Variants in LRFN5 observed in about 807,000 individuals in gnomAD.
The protein encoded by LRFN5 is leucine rich repeat and fibronectin type III domain containing 5, also known as leucine-rich repeat and fibronectin type-III domain-containing protein 5.
Under a neutral mutation model 45.6 loss-of-function variants are expected in LRFN5, and 24 were observed. That is an observed-to-expected ratio of 0.53 (90% CI 0.38 to 0.74). The LOEUF is 0.74. Among genes scored for constraint, LRFN5 ranks in the 30% least tolerant of loss-of-function variants. The probability of loss-of-function intolerance (pLI) is 0.00; values close to 1 mark genes in which losing one functional copy is unlikely to be tolerated. For missense variants in LRFN5, 776 were observed against 861.5 expected (o/e 0.90, Z 1.24); for synonymous variants, 340 against 313.8 (o/e 1.08, Z -0.88).
At chr14:41,633,224 TAAG>T (rs1888611718) in intron 1 of LRFN5, among the ~76,000 whole-genome samples, 2 of 151,970 alleles carry the variant, frequency 1.3e-5, no homozygotes, top group Admixed American at 6.6e-5. Flanking sequence ...TTTCAGCAGA[TAAG>T]AAAAAATATA....
intron 4 of LRFN5, chr14:41,892,211 A>T (rs2139164404): frequency 1.0e-6 from 1 of 985,204 alleles, no homozygotes; most frequent in Non-Finnish European, 1.2e-6. Context: ...CTTTTTCATG[A>T]AAAATCATTT....
At chr14:41,847,087 A>G (rs532881694) in intron 2 of LRFN5, among the ~76,000 whole-genome samples, 1 of 152,258 alleles carries the variant, frequency 6.6e-6, no homozygotes, top group African/African-American at 2.4e-5. Flanking sequence ...AAACATTTTC[A>G]TGAAAGTGTT....
intron 1 of LRFN5, among the ~76,000 whole-genome samples, chr14:41,655,427 A>C (rs1357268871): frequency 6.6e-6 from 1 of 152,032 alleles, no homozygotes; most frequent in Non-Finnish European, 1.5e-5. Context: ...CATGTCTAGA[A>C]TGATTTAGGA....
At chr14:41,861,177 A>C (rs1033768853) in intron 2 of LRFN5, among the ~76,000 whole-genome samples, 1 of 152,194 alleles carries the variant, frequency 6.6e-6, no homozygotes, top group Non-Finnish European at 1.5e-5. Context: ...ATATTTTGAG[A>C]CTGTAAAAAC....
At chr14:41,685,704 C>T (rs747517595) in intron 1 of LRFN5, among the ~76,000 whole-genome samples, 1 of 152,246 alleles carries the variant, frequency 6.6e-6, no homozygotes, top group Admixed American at 6.5e-5. Flanking sequence ...TTTTCCAGCA[C>T]CATTTACTGA....
intron 2 of LRFN5, among the ~76,000 whole-genome samples, chr14:41,880,245 A>G (rs1240407149): frequency 1.3e-5 from 2 of 151,950 alleles, no homozygotes; most frequent in Middle Eastern, 3.4e-3. Context: ...TTTCTAAAAA[A>G]CAGCTTTTGA....
At chr14:41,716,125 C>T (rs1188116845) in intron 1 of LRFN5, among the ~76,000 whole-genome samples, 1 of 152,166 alleles carries the variant, frequency 6.6e-6, no homozygotes, top group African/African-American at 2.4e-5. Context: ...AGTCTCTAGG[C>T]TGCACACAGC....
chr14:41,760,435 T>C (rs947070453), intron 1 of LRFN5, among the ~76,000 whole-genome samples: 8 of 152,306 alleles, frequency 5.3e-5, no homozygotes, highest in Middle Eastern at 3.4e-3. Context: ...GTATTACTTG[T>C]ATTATGAATA....
intron 2 of LRFN5, among the ~76,000 whole-genome samples, chr14:41,817,257 C>T (rs1887953606): frequency 1.3e-5 from 2 of 151,970 alleles, no homozygotes; most frequent in Admixed American, 6.6e-5. Flanking sequence ...TTCCAACATA[C>T]CTGACAATTG....
intron 2 of LRFN5, among the ~76,000 whole-genome samples, chr14:41,882,335 G>A (rs1355875653): frequency 6.6e-6 from 1 of 151,918 alleles, no homozygotes; most frequent in Non-Finnish European, 1.5e-5. Flanking sequence ...GTCACCCTAC[G>A]CATTTTGTGG....
chr14:41,631,905 T>C (rs1888547172), intron 1 of LRFN5, among the ~76,000 whole-genome samples: 1 of 152,194 alleles, frequency 6.6e-6, no homozygotes, highest in Non-Finnish European at 1.5e-5. Context: ...GTTTTCATTA[T>C]GAAAGAGATG....
chr14:41,892,376 A>G (rs1330135052), intron 4 of LRFN5: 4 of 984,842 alleles, frequency 4.1e-6, no homozygotes, highest in African/African-American at 1.7e-5. Context: ...TGGATAAGGG[A>G]AAAAGCATGA....
intron 2 of LRFN5, among the ~76,000 whole-genome samples, chr14:41,769,562 A>G (rs146946108): frequency 2.6e-5 from 4 of 152,318 alleles, no homozygotes; most frequent in Non-Finnish European, 5.9e-5. Flanking sequence ...ATGTGTACGT[A>G]TATGTAAAGA....
intron 2 of LRFN5, among the ~76,000 whole-genome samples, chr14:41,818,913 G>A (rs1269391390): frequency 1.3e-5 from 2 of 151,986 alleles, no homozygotes; most frequent in East Asian, 3.9e-4. Flanking sequence ...ATTTTTAAGT[G>A]TACAGTATCT....
intron 2 of LRFN5, among the ~76,000 whole-genome samples, chr14:41,839,537 T>G (rs1168445171): frequency 1.3e-5 from 2 of 152,162 alleles, no homozygotes; most frequent in African/African-American, 4.8e-5. Context: ...GCTATCTTAT[T>G]TTTTGCCTGA....
intron 2 of LRFN5, among the ~76,000 whole-genome samples, chr14:41,839,136 G>T (rs1888768152): frequency 6.6e-6 from 1 of 151,938 alleles, no homozygotes; most frequent in Admixed American, 6.6e-5. Context: ...AAATTACTTG[G>T]AATGTCATAT....
At chr14:41,883,035 G>A (rs1395768372) in intron 2 of LRFN5, among the ~76,000 whole-genome samples, 1 of 151,684 alleles carries the variant, frequency 6.6e-6, no homozygotes. Flanking sequence ...TTTTAGTAGA[G>A]ACGGGGTTTC....
At chr14:41,658,383 C>T (rs1329859087) in intron 1 of LRFN5, among the ~76,000 whole-genome samples, 1 of 152,010 alleles carries the variant, frequency 6.6e-6, no homozygotes, top group South Asian at 2.1e-4. Context: ...TTAATCATGA[C>T]TTAATTAATA....
chr14:41,827,913 C>A (rs752040442), intron 2 of LRFN5, among the ~76,000 whole-genome samples: 1 of 151,986 alleles, frequency 6.6e-6, no homozygotes. Flanking sequence ...ATCTTCCTTG[C>A]CAGTTGCCTT....
Sources: allele counts gnomAD v4.1 joint callset (sites outside exome capture counted in the v4.1 genomes callset), GRCh38; gene constraint gnomAD v4.1.1; transcripts MANE v1.5; gene names NCBI Gene and HGNC (gene_info 2026-07-23, HGNC 2026-07-21).